CCDC66: variants seen among roughly 807,000 people sequenced by gnomAD.
CCDC66 encodes coiled-coil domain containing 66.
Under a neutral mutation model 128.3 loss-of-function variants are expected in CCDC66, and 133 were observed. The ratio of observed to expected loss-of-function variants is 1.04; its 90% CI spans 0.90 to 1.20. The LOEUF is 1.20. Among genes scored for constraint, CCDC66 ranks in the 50% most tolerant of loss-of-function variants. The pLI is 0.00. For missense variants in CCDC66, 1,126 were observed against 1,075.5 expected (o/e 1.05, Z -0.66); for synonymous variants, 387 against 357.0 (o/e 1.08, Z -0.95).
intron 3 of CCDC66, among the ~76,000 whole-genome samples, chr3:56,560,135 A>C (rs2064904884): frequency 2.0e-5 from 3 of 152,262 alleles, no homozygotes; most frequent in Non-Finnish European, 4.4e-5. Context: ...ATTTTCCTTT[A>C]AAAGGTTGCA....
chr3:56,594,941 C>T (rs2071601843), intron 10 of CCDC66, among the ~76,000 whole-genome samples: 2 of 152,094 alleles, frequency 1.3e-5, no homozygotes, highest in South Asian at 4.1e-4. Flanking sequence ...CCATTTCCTC[C>T]AGTAGCCCTC....
At chr3:56,557,643 T>C (rs2064510276) in intron 1 of CCDC66, 1 of 225,978 alleles carries the variant, frequency 4.4e-6, no homozygotes, top group South Asian at 1.1e-4. Context: ...GTTTTTGGAG[T>C]CTTGCAGAAT....
intron 10 of CCDC66, among the ~76,000 whole-genome samples, chr3:56,611,036 T>C (rs932862261): frequency 6.6e-6 from 1 of 152,146 alleles, no homozygotes; most frequent in African/African-American, 2.4e-5. Flanking sequence ...ATTTTTGTGC[T>C]GGTTGGCCTC....
chr3:56,558,275 A>G (rs2064632494), intron 1 of CCDC66, among the ~76,000 whole-genome samples: 2 of 152,152 alleles, frequency 1.3e-5, no homozygotes, highest in African/African-American at 2.4e-5. Context: ...CAGACGTTCA[A>G]GTTTTGTTGG....
rs2076660059 is a variant in CCDC66 at position 56,621,710 on chromosome 3, A to T, written c.*92A>T. 10 of 791,840 alleles carry T rather than the reference A, an allele frequency of 1.3e-5. No homozygotes were observed. Among genetic ancestry groups the T allele is most frequent in the Middle Eastern group, 3.4e-4 (1 of 2,964 alleles). 49.1% of individuals were successfully genotyped at this position (791,840 alleles called of 1,614,324 possible). A position where few individuals can be genotyped will look rare whatever the true frequency, so the allele number is the denominator to read the frequency against. Reference sequence around the variant, plus strand: ...CAACTGTATTTTTCAAATAGCCTAGATTTACTTATTTTTTTAAATGCTCAT... The same window carrying T: ...CAACTGTATTTTTCAAATAGCCTAGTTTTACTTATTTTTTTAAATGCTCAT... On this transcript the variant is annotated 3_prime_UTR_variant, in exon 18 of 18. Transcript: ENST00000394672.
Position 56,619,423 on chromosome 3 carries a change from C to A in CCDC66, c.2531C>A (p.Ser844Tyr). 1 of 1,613,972 alleles carries A rather than the reference C, an allele frequency of 6.2e-7. No homozygotes were observed. Among genetic ancestry groups the A allele is most frequent in the Non-Finnish European group, 8.5e-7 (1 of 1,179,934 alleles). ...TELSSGISES[S>Y]HFIPYVRTNE... ...TTATCATCTGGGATTTCTGAATCAT[C>A]CCATTTTATTCCGTATGTTCGAACA... The change falls in exon 16 of 18, where the codon TCC (serine) becomes TAC (tyrosine). Residue 844 changes from serine to tyrosine, a missense_variant. Ser to Tyr is a moderately radical substitution (Grantham distance 144). Coordinates refer to ENST00000394672, the MANE Select transcript of CCDC66 (RefSeq NM_001141947.3).
At chr3:56,593,131 G>A in intron 8 of CCDC66, 30 bp downstream of exon 8, 2 of 1,499,394 alleles carry the variant, frequency 1.3e-6, no homozygotes, top group Non-Finnish European at 9.0e-7. Context: ...GGCTATAAAA[G>A]AAAAAATAAA....
At position 56,593,578 on chromosome 3, in the gene CCDC66, C is replaced by T. The variant is rs1418136404; in HGVS notation, c.1156C>T (p.His386Tyr). ...ATCTCAGCTGTTCTCTCAGTCAACA[C>T]ACAAACAACCTGAGTACTTCTGTGT... ...SQSQLFSQSTHKQPEYFCVSP... is the reference protein window; with the variant it reads ...SQSQLFSQSTYKQPEYFCVSP... Residue 386 changes from histidine to tyrosine, a missense_variant, in exon 9 of 18, where the codon CAC becomes TAC. His to Tyr is a moderately conservative substitution (Grantham distance 83). Transcript: ENST00000394672. 6.2e-7 allele frequency: 1 copy of T among 1,614,074 alleles called. No individual in the cohort carries two copies. Among genetic ancestry groups the T allele is most frequent in the Non-Finnish European group, 8.5e-7 (1 of 1,180,032 alleles).
chr3:56,579,687 A>T (rs576779230), intron 7 of CCDC66, among the ~76,000 whole-genome samples: 2 of 152,032 alleles, frequency 1.3e-5, no homozygotes, highest in South Asian at 4.1e-4. Context: ...ATTCAGGAGC[A>T]GGTTGATCAG....
At chr3:56,585,280 C>A (rs2069472646) in intron 7 of CCDC66, among the ~76,000 whole-genome samples, 1 of 151,406 alleles carries the variant, frequency 6.6e-6, no homozygotes, top group Non-Finnish European at 1.5e-5. Context: ...TGGAAGAAAA[C>A]AACAATACAT....
At chr3:56,583,921 G>GA (rs2068916248) in intron 7 of CCDC66, among the ~76,000 whole-genome samples, 1 of 94,342 alleles carries the variant, frequency 1.1e-5, no homozygotes, top group Admixed American at 1.4e-4. Flanking sequence ...CGGCTGGGCG[G>GA]GGGCTGCCCC....
intron 15 of CCDC66, 114 bp from the exon 16 acceptor site, chr3:56,619,157 G>C (rs1360587015): frequency 1.2e-6 from 1 of 868,968 alleles, no homozygotes; most frequent in Non-Finnish European, 1.7e-6. Context: ...TCGCGCCACT[G>C]CACTCCAGCC....
Position 56,616,995 on chromosome 3 carries a change from A to C in CCDC66, c.1844-117A>C, listed in dbSNP as rs2075604799. ...AGTATAGAGGTTCGGTTTTGTTGAAAATTAATGAAAGAAAAAAGTCTTAGA... is the reference window on the plus strand; with the variant it reads ...AGTATAGAGGTTCGGTTTTGTTGAACATTAATGAAAGAAAAAAGTCTTAGA... On this transcript the variant is annotated intron_variant, in intron 13 of 17. Coordinates refer to ENST00000394672, the MANE Select transcript of CCDC66 (RefSeq NM_001141947.3). The C allele has an allele frequency of 4.7e-6, 4 of 850,608 alleles. No homozygotes were observed. The East Asian group carries it at 1.1e-4, about 24-fold the overall frequency. 52.7% of individuals were successfully genotyped at this position (850,608 alleles called of 1,614,324 possible).
At chr3:56,558,741 A>G (rs1268364387) in intron 1 of CCDC66, 105 bp from the exon 2 acceptor site, 6 of 835,602 alleles carry the variant, frequency 7.2e-6, no homozygotes, top group Non-Finnish European at 1.2e-5. Flanking sequence ...TTCCTGCATA[A>G]ATTCAAAATA....
Position 56,613,749 on chromosome 3 carries a change from A to G in CCDC66, c.1565A>G (p.Glu522Gly). Residue 522 changes from glutamate to glycine, a missense_variant and splice_region_variant, in exon 11 of 18, where the codon GAA becomes GGA. Physicochemically the swap from Glu to Gly is moderately conservative, Grantham distance 98. Transcript: ENST00000394672. ...EEDILKQKQK[E>G]EIMTLKTNEL... The stretch of plus-strand genomic sequence containing the variant: ...GACATACTTAAGCAAAAACAAAAGG[A>G]AGTAGGTACTTACATTCTAATTGTA... The G allele has an allele frequency of 6.2e-7, 1 of 1,603,756 alleles. No individual in the cohort carries two copies. Among genetic ancestry groups the G allele is most frequent in the Non-Finnish European group, 8.5e-7 (1 of 1,175,792 alleles).
At chr3:56,583,936 C>T in intron 7 of CCDC66, among the ~76,000 whole-genome samples, 1 of 88,096 alleles carries the variant, frequency 1.1e-5, no homozygotes, top group Non-Finnish European at 2.2e-5. Context: ...TGCCCCCCAC[C>T]TCCCTCCCGG....
In CCDC66 at chr3:56,572,075, C is replaced by T. The variant is rs192540050; in HGVS notation, c.936+773C>T. On this transcript the variant is annotated intron_variant, in intron 7 of 17. Coordinates refer to ENST00000394672, the MANE Select transcript of CCDC66 (RefSeq NM_001141947.3). ...TAATTTAATTATGACCTTAACTGGT[C>T]TCTATTTACATTCTGTGAGTTGTCT... Among the ~76,000 whole-genome samples, 173 of 152,168 alleles carry T rather than the reference C, an allele frequency of 1.1e-3. 1 individual carries two copies. The highest frequency in any genetic ancestry group is 4.1e-3 in the African/African-American group (171 of 41,510).
intron 7 of CCDC66, among the ~76,000 whole-genome samples, chr3:56,578,773 G>C (rs1373316484): frequency 1.3e-5 from 2 of 151,850 alleles, no homozygotes; most frequent in African/African-American, 2.4e-5. Flanking sequence ...CTTGATCATG[G>C]TGGATAAGCT....
chr3:56,592,314 T>C (rs2071048945), intron 7 of CCDC66, among the ~76,000 whole-genome samples: 1 of 152,238 alleles, frequency 6.6e-6, no homozygotes, highest in Non-Finnish European at 1.5e-5. Flanking sequence ...AATATTCATC[T>C]GTTTTAAATT....
Sources: gnomAD v4.1 joint callset for allele counts (sites outside exome capture counted in the v4.1 genomes callset) on GRCh38, gnomAD v4.1.1 for gene constraint, MANE v1.5 for transcripts, NCBI Gene and HGNC (gene_info 2026-07-23, HGNC 2026-07-21) for gene names.